The following ZBTB20 variants were observed in gnomAD, a reference collection of about 807,000 sequenced individuals.
ZBTB20 encodes the protein zinc finger and BTB domain containing 20, also known as zinc finger and BTB domain-containing protein 20.
ZBTB20 carries 9 observed loss-of-function variants against 56.9 expected under a neutral mutation model. The ratio of observed to expected loss-of-function variants is 0.16; its 90% CI spans 0.10 to 0.28. The LOEUF is 0.28. ZBTB20 is among the 10% of genes least tolerant of loss of function. ZBTB20 has a pLI of 1.00. For synonymous variants in ZBTB20, 417 were observed against 420.7 expected (o/e 0.99, Z 0.11); for missense variants, 655 against 1,003.0 (o/e 0.65, Z 4.69).
chr3:114,467,470 G>C (rs1370112957), intron 7 of ZBTB20, among the ~76,000 whole-genome samples: 8 of 152,144 alleles, frequency 5.3e-5, no homozygotes, highest in Admixed American at 5.2e-4. Flanking sequence ...AATGCTTCAA[G>C]AATTAGAGAT....
chr3:114,392,572 A>G (rs1475435925), intron 7 of ZBTB20, among the ~76,000 whole-genome samples: 1 of 152,232 alleles, frequency 6.6e-6, no homozygotes, highest in Non-Finnish European at 1.5e-5. Context: ...GGTTAAATTC[A>G]TTACTTTGTA....
chr3:114,577,350 A>T (rs565644216), intron 6 of ZBTB20, among the ~76,000 whole-genome samples: 3 of 152,234 alleles, frequency 2.0e-5, no homozygotes, highest in African/African-American at 7.2e-5. Context: ...GAAAAACTCA[A>T]TATCTGCGAA....
chr3:115,098,462 C>T (rs769338806), intron 1 of ZBTB20, among the ~76,000 whole-genome samples: 1 of 152,074 alleles, frequency 6.6e-6, no homozygotes, highest in South Asian at 2.1e-4. Context: ...ACAAAATTAT[C>T]GTGTACCATA....
At position 114,801,505 on chromosome 3, in the gene ZBTB20, A is replaced by T. The variant is rs577079729; in HGVS notation, c.-416-331T>A. Among the ~76,000 whole-genome samples the T allele has an allele frequency of 3.0e-4, 46 of 150,962 alleles. 2 individuals are homozygous for T. In the South Asian group the frequency reaches 7.7e-3, roughly 25 times the overall value. The stretch of plus-strand genomic sequence containing the variant: ...TCTGAATTTTAGCTATATTCTGATT[A>T]AAAAAAAACTCCTAAACAATTTCTA... On this transcript the variant is annotated intron_variant, in intron 4 of 11. Coordinates refer to ENST00000675478, the MANE Select transcript of ZBTB20 (RefSeq NM_001348800.3).
At chr3:114,435,443 G>A (rs757053922) in intron 7 of ZBTB20, among the ~76,000 whole-genome samples, 11 of 152,086 alleles carry the variant, frequency 7.2e-5, no homozygotes, top group Non-Finnish European at 1.6e-4. Flanking sequence ...GAGAAGTTAC[G>A]TAAATATCCT....
intron 7 of ZBTB20, among the ~76,000 whole-genome samples, chr3:114,443,803 T>C (rs1325496224): frequency 6.6e-6 from 1 of 152,224 alleles, no homozygotes; most frequent in Non-Finnish European, 1.5e-5. Context: ...CTACATTTCA[T>C]GGAATTCTTA....
At chr3:114,964,184 G>A (rs1214856260) in intron 3 of ZBTB20, among the ~76,000 whole-genome samples, 3 of 152,158 alleles carry the variant, frequency 2.0e-5, no homozygotes, top group Non-Finnish European at 4.4e-5. Context: ...GGAGGCCAAG[G>A]TGGGTGGATC....
intron 11 of ZBTB20, among the ~76,000 whole-genome samples, chr3:114,342,368 C>T (rs2079846268): frequency 1.3e-5 from 2 of 152,210 alleles, no homozygotes; most frequent in South Asian, 2.1e-4. Context: ...CAGGTTTAAG[C>T]CTATGGTCAG....
chr3:114,804,288 G>A (rs1344955410), intron 4 of ZBTB20, among the ~76,000 whole-genome samples: 1 of 151,860 alleles, frequency 6.6e-6, no homozygotes, highest in African/African-American at 2.4e-5. Context: ...CATTGACTAC[G>A]AACAAAGGGC....
intron 6 of ZBTB20, among the ~76,000 whole-genome samples, chr3:114,665,195 G>T (rs1240045323): frequency 1.3e-5 from 2 of 151,408 alleles, no homozygotes; most frequent in East Asian, 3.9e-4. Context: ...CTGTATTTTT[G>T]CTGTACCTTT....
intron 2 of ZBTB20, among the ~76,000 whole-genome samples, chr3:115,016,167 G>A (rs901630572): frequency 6.6e-6 from 1 of 151,708 alleles, no homozygotes; most frequent in Non-Finnish European, 1.5e-5. Flanking sequence ...GGGATTGTTT[G>A]TTTTTTCTTG....
chr3:115,111,362 T>C (rs2083878192), intron 1 of ZBTB20, among the ~76,000 whole-genome samples: 1 of 152,164 alleles, frequency 6.6e-6, no homozygotes, highest in South Asian at 2.1e-4. Flanking sequence ...ATGAATTTTA[T>C]TTTAAAAATT....
At chr3:114,460,277 G>A (rs2092266640) in intron 7 of ZBTB20, among the ~76,000 whole-genome samples, 1 of 152,108 alleles carries the variant, frequency 6.6e-6, no homozygotes, top group South Asian at 2.1e-4. Flanking sequence ...AGGAACTATA[G>A]TAGGCTGAGG....
In ZBTB20 at chr3:114,380,150, C is replaced by T. The variant is rs928458517; in HGVS notation, c.199+67G>A. Reference sequence around the variant, plus strand: ...GAGCTCGCTCTGAAAGTAGAAAAGCCAGAACCCAGGGTAGAAGCACTACTC... The same window carrying T: ...GAGCTCGCTCTGAAAGTAGAAAAGCTAGAACCCAGGGTAGAAGCACTACTC... On this transcript the variant is annotated intron_variant, in intron 10 of 11. Coordinates refer to ENST00000675478, the MANE Select transcript of ZBTB20 (RefSeq NM_001348800.3). 4.3e-6 allele frequency: 6 copies of T among 1,398,996 alleles called. No individual in the cohort carries two copies. The African/African-American group carries it at 8.7e-5, about 20-fold the overall frequency. 86.7% of individuals were successfully genotyped at this position (1,398,996 alleles called of 1,614,324 possible). A position where few individuals can be genotyped will look rare whatever the true frequency, so the allele number is the denominator to read the frequency against.
intron 5 of ZBTB20, among the ~76,000 whole-genome samples, chr3:114,778,289 C>CCA (rs1560239061): frequency 1.4e-5 from 2 of 142,586 alleles, no homozygotes; most frequent in Non-Finnish European, 3.0e-5. Flanking sequence ...AATACACATT[C>CCA]AAAAAAAAAA....
At chr3:114,981,932 T>C (rs1014911966) in intron 2 of ZBTB20, among the ~76,000 whole-genome samples, 6 of 152,036 alleles carry the variant, frequency 3.9e-5, no homozygotes, top group African/African-American at 1.2e-4. Flanking sequence ...GCAAGGAACT[T>C]TCATACTGGT....
rs2069022653 is a variant in ZBTB20 at position 114,769,457 on chromosome 3, T to C, written c.-343+31644A>G. 4.7e-5 allele frequency among the ~76,000 whole-genome samples: 7 copies of C among 150,476 alleles called. No individual in the cohort carries two copies. The Admixed American group carries it at 4.7e-4, about 10-fold the overall frequency. On this transcript the variant is annotated intron_variant, in intron 5 of 11. Coordinates refer to ENST00000675478, the MANE Select transcript of ZBTB20 (RefSeq NM_001348800.3). ...TGCATATATCTGATGCATATGTATC[T>C]ATTTGCACCTGGTAAATAGATAATA...
chr3:114,953,107 T>A (rs1253258369), intron 3 of ZBTB20, among the ~76,000 whole-genome samples: 1 of 151,994 alleles, frequency 6.6e-6, no homozygotes, highest in Non-Finnish European at 1.5e-5. Flanking sequence ...ACTTATATGG[T>A]TGTAAGATTT....
chr3:114,529,581 A>G (rs2047609613), intron 6 of ZBTB20: 1 of 152,226 alleles, frequency 6.6e-6, no homozygotes, highest in South Asian at 2.1e-4. Flanking sequence ...ACAGAACTCT[A>G]GTTAGTTGAA....
Sources: allele counts gnomAD v4.1 joint callset (sites outside exome capture counted in the v4.1 genomes callset), GRCh38; gene constraint gnomAD v4.1.1; transcripts MANE v1.5; gene names NCBI Gene and HGNC (gene_info 2026-07-23, HGNC 2026-07-21).